Variants in GPM6A observed in about 807,000 individuals in gnomAD.
The protein encoded by GPM6A is glycoprotein M6A, also known as neuronal membrane glycoprotein M6-a.
A neutral mutation model predicts 32.1 loss-of-function variants in GPM6A; 7 were observed. That is an observed-to-expected ratio of 0.22 (90% CI 0.12 to 0.41). The LOEUF is 0.41. Ranked by LOEUF, GPM6A falls within the 10% of genes least tolerant of loss-of-function variation. The pLI is 1.00. For synonymous variants in GPM6A, 130 were observed against 123.4 expected (o/e 1.05, Z -0.35); for missense variants, 235 against 347.2 (o/e 0.68, Z 2.57).
At chr4:175,952,305 G>T (rs940322115) in intron 1 of GPM6A, among the ~76,000 whole-genome samples, 10 of 152,216 alleles carry the variant, frequency 6.6e-5, no homozygotes, top group Admixed American at 6.5e-5. Flanking sequence ...GCTAGGAGAA[G>T]TTCGTTTCTA....
chr4:175,711,410 AT>A (rs1447216807), intron 1 of GPM6A, among the ~76,000 whole-genome samples: 75 of 5,446 alleles, frequency 0.014, 4 homozygotes, highest in African/African-American at 0.042. Context: ...GGCACACCAA[AT>A]ATATATATAT....
intron 4 of GPM6A, among the ~76,000 whole-genome samples, chr4:175,650,418 C>A (rs1334491911): frequency 6.6e-6 from 1 of 152,068 alleles, no homozygotes; most frequent in Non-Finnish European, 1.5e-5. Flanking sequence ...AATTCTCCTG[C>A]CTCAGCCTCC....
At chr4:175,657,631 G>A (rs560269614) in intron 3 of GPM6A, among the ~76,000 whole-genome samples, 1 of 152,188 alleles carries the variant, frequency 6.6e-6, no homozygotes, top group South Asian at 2.1e-4. Context: ...TGAATGAGTG[G>A]GGTACCGGAC....
intron 1 of GPM6A, among the ~76,000 whole-genome samples, chr4:175,759,790 A>G (rs1732668297): frequency 6.6e-6 from 1 of 152,218 alleles, no homozygotes; most frequent in African/African-American, 2.4e-5. Flanking sequence ...ATGAGGAATT[A>G]TGTATTAATG....
chr4:175,836,615 A>G (rs1435389777), intron 1 of GPM6A, among the ~76,000 whole-genome samples: 3 of 152,188 alleles, frequency 2.0e-5, no homozygotes, highest in Admixed American at 6.5e-5. Context: ...AAACTTTGAA[A>G]AAGTGCAGAA....
At chr4:175,713,649 A>G (rs955288843) in intron 1 of GPM6A, among the ~76,000 whole-genome samples, 1 of 152,244 alleles carries the variant, frequency 6.6e-6, no homozygotes, top group African/African-American at 2.4e-5. Context: ...GGCATTACCA[A>G]AAACAAACTC....
upstream of GPM6A, among the ~76,000 whole-genome samples, chr4:175,816,736 T>C (rs1051670556): frequency 6.6e-6 from 1 of 152,222 alleles, no homozygotes; most frequent in Non-Finnish European, 1.5e-5. Context: ...ATTAACATTA[T>C]CTCTAGAATG....
At chr4:175,880,910 G>A (rs1737252309) in intron 1 of GPM6A, among the ~76,000 whole-genome samples, 1 of 152,000 alleles carries the variant, frequency 6.6e-6, no homozygotes, top group South Asian at 2.1e-4. Context: ...TGGCCAGAAC[G>A]TCCAACACTA....
intron 4 of GPM6A, among the ~76,000 whole-genome samples, chr4:175,647,748 T>G (rs1349486302): frequency 6.6e-6 from 1 of 152,208 alleles, no homozygotes; most frequent in Non-Finnish European, 1.5e-5. Context: ...TGAATATTAG[T>G]AAATTCTGAA....
intron 1 of GPM6A, among the ~76,000 whole-genome samples, chr4:175,708,637 G>A (rs1351835799): frequency 6.6e-6 from 1 of 152,054 alleles, no homozygotes; most frequent in Non-Finnish European, 1.5e-5. Context: ...CAAACAGAGG[G>A]AAACTAAATG....
At chr4:175,872,058 C>A (rs1369625735) in intron 1 of GPM6A, among the ~76,000 whole-genome samples, 1 of 152,144 alleles carries the variant, frequency 6.6e-6, no homozygotes, top group Non-Finnish European at 1.5e-5. Context: ...CTCAGAGATT[C>A]CACATATTTA....
At chr4:175,866,632 T>C (rs73010136) in intron 1 of GPM6A, among the ~76,000 whole-genome samples, 4,402 of 152,286 alleles carry the variant, frequency 0.029, 192 homozygotes, top group African/African-American at 0.098. Context: ...TATTTAATTG[T>C]CTGGATGTAC....
intron 1 of GPM6A, among the ~76,000 whole-genome samples, chr4:175,705,323 C>G (rs1260208699): frequency 1.3e-5 from 2 of 152,200 alleles, no homozygotes; most frequent in Non-Finnish European, 2.9e-5. Flanking sequence ...TTCCTCTAAA[C>G]TTGCACTACT....
chr4:175,923,401 A>G (rs901628625), intron 1 of GPM6A, among the ~76,000 whole-genome samples: 4 of 149,732 alleles, frequency 2.7e-5, no homozygotes, highest in Non-Finnish European at 5.9e-5. Flanking sequence ...AGTAACACAC[A>G]TTGAATAGTG....
chr4:175,821,608 G>A (rs764110527), intron 1 of GPM6A, among the ~76,000 whole-genome samples: 1 of 151,798 alleles, frequency 6.6e-6, no homozygotes, highest in Non-Finnish European at 1.5e-5. Flanking sequence ...TCCATATGTT[G>A]AGAACTTTTT....
At chr4:175,960,829 T>C (rs1740140895) in intron 1 of GPM6A, 2 of 152,200 alleles carry the variant, frequency 1.3e-5, no homozygotes, top group Non-Finnish European at 2.9e-5. Flanking sequence ...CAATGACTAA[T>C]CCCACAACAT....
chr4:175,798,232 G>A (rs963548811), intron 1 of GPM6A, among the ~76,000 whole-genome samples: 3 of 152,026 alleles, frequency 2.0e-5, no homozygotes, highest in African/African-American at 7.2e-5. Flanking sequence ...CATTTATAAC[G>A]ATCTAACCCA....
chr4:175,923,566 G>T (rs1223351680), intron 1 of GPM6A, among the ~76,000 whole-genome samples: 2 of 151,452 alleles, frequency 1.3e-5, no homozygotes, highest in African/African-American at 2.4e-5. Flanking sequence ...TTGTTTGTTT[G>T]TTTTTAAGAC....
chr4:175,759,413 ATTTTCTTTACCC>A (rs1732654597), intron 1 of GPM6A, among the ~76,000 whole-genome samples: 1 of 152,134 alleles, frequency 6.6e-6, no homozygotes, highest in Non-Finnish European at 1.5e-5. Context: ...AAGGCATAAA[ATTTTCTTTACCC>A]TTTTTCTCCC....
Sources: allele counts gnomAD v4.1 joint callset (sites outside exome capture counted in the v4.1 genomes callset), GRCh38; gene constraint gnomAD v4.1.1; transcripts MANE v1.5; gene names NCBI Gene and HGNC (gene_info 2026-07-23, HGNC 2026-07-21).